The following BMPR1B variants were observed in gnomAD, a reference collection of about 807,000 sequenced individuals.
BMPR1B encodes the protein bone morphogenetic protein receptor type-1B.
Under a neutral mutation model 59.1 loss-of-function variants are expected in BMPR1B, and 12 were observed. That is an observed-to-expected ratio of 0.20 (90% confidence interval 0.13 to 0.33). The LOEUF (loss-of-function observed/expected upper bound fraction) is 0.33. Among genes scored for constraint, BMPR1B ranks in the 10% least tolerant of loss-of-function variants. BMPR1B has a pLI of 1.00. For synonymous variants in BMPR1B, 237 were observed against 207.3 expected (o/e 1.14, Z -1.23); for missense variants, 550 against 610.9 (o/e 0.90, Z 1.05).
rs1158731186 is a variant in BMPR1B, at chr4:94,921,941, A to G, written c.-113+46041A>G. Among the ~76,000 whole-genome samples, 136 of 148,100 alleles carry G rather than the reference A, an allele frequency of 9.2e-4. 1 individual carries two copies. The highest frequency in any genetic ancestry group is 1.5e-4 in the Non-Finnish European group (10 of 67,416). On this transcript the variant is annotated intron_variant, in intron 2 of 12. Transcript: ENST00000515059. ...TAATCTTGGATTAGCAATTTTTCTG[A>G]AAAAAAAAATTCTCATTTTGTTAGC...
Position 94,882,367 on chromosome 4 carries a change from A to G in BMPR1B, c.-113+6467A>G, listed in dbSNP as rs150786693. ...GCTTTGCCTTAATCTTGGAAACAAG[A>G]AACTTTTTCTCTTCGTCAAAGTTTA... is the stretch of plus-strand genomic sequence containing the variant. On this transcript the variant is annotated intron_variant, in intron 2 of 12. Coordinates refer to ENST00000515059, the MANE Select transcript of BMPR1B (RefSeq NM_001203.3). 3.4e-4 allele frequency among the ~76,000 whole-genome samples: 52 copies of G among 152,344 alleles called. No homozygotes were observed. In the East Asian group the frequency reaches 0.01, roughly 29 times the overall value.
intron 1 of BMPR1B, among the ~76,000 whole-genome samples, chr4:94,841,247 C>T (rs1424889801): frequency 6.8e-6 from 1 of 147,738 alleles, no homozygotes; most frequent in Non-Finnish European, 1.5e-5. Flanking sequence ...AGAGGTGGAG[C>T]CTACAGAGGC....
chr4:94,796,862 T>C (rs1723213411), intron 1 of BMPR1B, among the ~76,000 whole-genome samples: 3 of 152,236 alleles, frequency 2.0e-5, no homozygotes, highest in African/African-American at 7.2e-5. Flanking sequence ...TTATCTTTGA[T>C]TTGTAATTAT....
chr4:95,107,960 C>G (rs1731310534), intron 4 of BMPR1B, among the ~76,000 whole-genome samples: 1 of 152,058 alleles, frequency 6.6e-6, no homozygotes, highest in Admixed American at 6.6e-5. Flanking sequence ...TACTTCCATT[C>G]CTGTAAGCAC....
intron 10 of BMPR1B, among the ~76,000 whole-genome samples, chr4:95,142,933 T>C (rs966842515): frequency 6.6e-6 from 1 of 152,114 alleles, no homozygotes; most frequent in Non-Finnish European, 1.5e-5. Flanking sequence ...AGATACTATA[T>C]TTTTAAAAAA....
chr4:95,057,227 G>T (rs1229252754), intron 3 of BMPR1B, among the ~76,000 whole-genome samples: 1 of 151,986 alleles, frequency 6.6e-6, no homozygotes, highest in Non-Finnish European at 1.5e-5. Context: ...GCTTAGCTCT[G>T]CAGAGTTAAC....
At chr4:94,777,876 A>G (rs1343488283) in intron 1 of BMPR1B, among the ~76,000 whole-genome samples, 2 of 152,060 alleles carry the variant, frequency 1.3e-5, no homozygotes, top group Non-Finnish European at 2.9e-5. Context: ...AAATACAAAA[A>G]TTAGCTGGGC....
chr4:94,978,586 C>T (rs1450680358), intron 2 of BMPR1B, among the ~76,000 whole-genome samples: 1 of 152,200 alleles, frequency 6.6e-6, no homozygotes, highest in Non-Finnish European at 1.5e-5. Context: ...CTGCCTTTCA[C>T]ACACCAAACA....
chr4:94,892,958 A>C (rs2148992104), intron 2 of BMPR1B, among the ~76,000 whole-genome samples: 1 of 152,122 alleles, frequency 6.6e-6, no homozygotes, highest in African/African-American at 2.4e-5. Context: ...TCATCTGTAA[A>C]GTGGGGATAT....
chr4:94,865,536 G>A (rs1263475947), intron 1 of BMPR1B, among the ~76,000 whole-genome samples: 1 of 151,870 alleles, frequency 6.6e-6, no homozygotes, highest in Non-Finnish European at 1.5e-5. Context: ...AATTACAGGC[G>A]CTCGCCGCCA....
At chr4:95,026,110 C>CTTTCTTTCTTTT (rs1553928472) in intron 3 of BMPR1B, among the ~76,000 whole-genome samples, 31 of 139,392 alleles carry the variant, frequency 2.2e-4, no homozygotes, top group African/African-American at 4.4e-4. Flanking sequence ...TTCTTTCTTT[C>CTTTCTTTCTTTT]TTTCTTTCTT....
At chr4:94,810,124 T>C (rs1052646044) in intron 1 of BMPR1B, among the ~76,000 whole-genome samples, 2 of 152,210 alleles carry the variant, frequency 1.3e-5, no homozygotes, top group Non-Finnish European at 2.9e-5. Flanking sequence ...GCTGTTGCTA[T>C]CTATCCACTC....
At chr4:94,854,736 A>C (rs899261043) in intron 1 of BMPR1B, among the ~76,000 whole-genome samples, 1 of 152,160 alleles carries the variant, frequency 6.6e-6, no homozygotes, top group Non-Finnish European at 1.5e-5. Flanking sequence ...TAGCAAGCCT[A>C]TTCTTGGCCC....
In BMPR1B at chr4:94,793,670, C is replaced by G. The variant is rs1270670267; in HGVS notation, c.-183+35602C>G. 1.4e-3 allele frequency among the ~76,000 whole-genome samples: 210 copies of G among 146,686 alleles called. 1 individual carries two copies. The East Asian group carries it at 0.033, about 23-fold the overall frequency. On this transcript the variant is annotated intron_variant, in intron 1 of 12. Coordinates refer to ENST00000515059, the MANE Select transcript of BMPR1B (RefSeq NM_001203.3). ...GTGTTCCTATTTCTCCACATCCTCTCCAGCACCTGTTGTTTCCTGACTTTT... is the reference window on the plus strand; with the variant it reads ...GTGTTCCTATTTCTCCACATCCTCTGCAGCACCTGTTGTTTCCTGACTTTT...
At chr4:94,819,160 T>G (rs1457938094) in intron 1 of BMPR1B, among the ~76,000 whole-genome samples, 1 of 152,054 alleles carries the variant, frequency 6.6e-6, no homozygotes, top group Non-Finnish European at 1.5e-5. Context: ...TTTTTTTCTC[T>G]TATAGGCTTA....
intron 3 of BMPR1B, among the ~76,000 whole-genome samples, chr4:95,013,785 A>G (rs1723386418): frequency 1.3e-5 from 2 of 152,166 alleles, no homozygotes; most frequent in South Asian, 2.1e-4. Context: ...ACTACTTATT[A>G]TATGTTTGCT....
intron 1 of BMPR1B, among the ~76,000 whole-genome samples, chr4:94,860,686 A>G (rs1303178291): frequency 1.3e-5 from 2 of 152,122 alleles, no homozygotes; most frequent in Non-Finnish European, 2.9e-5. Flanking sequence ...AAGCATTGAG[A>G]TTGTAGTATA....
intron 2 of BMPR1B, among the ~76,000 whole-genome samples, chr4:94,880,635 ATTT>A (rs35455973): frequency 1.8e-4 from 22 of 125,236 alleles, no homozygotes; most frequent in African/African-American, 2.9e-4. Context: ...ATTAAAATGA[ATTT>A]TTTTTTTTTT....
intron 7 of BMPR1B, among the ~76,000 whole-genome samples, chr4:95,124,139 A>T (rs1446120509): frequency 1.3e-5 from 2 of 152,082 alleles, no homozygotes; most frequent in Non-Finnish European, 2.9e-5. Flanking sequence ...TAAATATTTT[A>T]TCCCTAGGGA....
Sources: allele counts gnomAD v4.1 joint callset (sites outside exome capture counted in the v4.1 genomes callset), GRCh38; gene constraint gnomAD v4.1.1; transcripts MANE v1.5; gene names NCBI Gene and HGNC (gene_info 2026-07-23, HGNC 2026-07-21).